Variants in SSH1 observed in about 807,000 individuals in gnomAD.
SSH1 encodes slingshot protein phosphatase 1.
A neutral mutation model predicts 79.7 loss-of-function variants in SSH1; 43 were observed. The observed-to-expected ratio is 0.54, with a 90% CI of 0.42 to 0.70. SSH1 has a LOEUF of 0.70. Ranked by LOEUF, SSH1 falls within the 30% of genes least tolerant of loss-of-function variation. The pLI is 0.00. For synonymous variants in SSH1, 599 were observed against 538.3 expected (o/e 1.11, Z -1.56); for missense variants, 1,206 against 1,358.8 (o/e 0.89, Z 1.77).
intron 2 of SSH1, chr12:108,826,057 T>G (rs1490596465): frequency 4.6e-6 from 2 of 434,668 alleles, no homozygotes; most frequent in East Asian, 1.4e-4. Context: ...CGAGACAACA[T>G]CAACTGCTTT....
At chr12:108,822,550 G>A (rs192573726) in intron 3 of SSH1, among the ~76,000 whole-genome samples, 4 of 152,172 alleles carry the variant, frequency 2.6e-5, no homozygotes, top group Non-Finnish European at 4.4e-5. Flanking sequence ...GGGCTCAAGC[G>A]ATCCTCCCAA....
rs2036242718 is a variant in SSH1, at chr12:108,785,353, C to G, written c.*2635G>C. 6.6e-6 allele frequency: 1 copy of G among 152,236 alleles called. No individual in the cohort carries two copies. The highest frequency in any genetic ancestry group is 2.4e-5 in the African/African-American group (1 of 41,442). The allele number at this position is 152,236 out of a possible 1,614,324, so 9.4% of individuals were successfully genotyped here. On this transcript the variant is annotated 3_prime_UTR_variant, in exon 15 of 15. Coordinates refer to ENST00000326495, the MANE Select transcript of SSH1 (RefSeq NM_018984.4). ...GCCAGGCTGGTCTAGAACTCCTGAC[C>G]TCAGATGATCCGCCTGCCTCGGCCT...
chr12:108,821,638 T>C (rs990703768), intron 3 of SSH1, among the ~76,000 whole-genome samples: 59 of 152,122 alleles, frequency 3.9e-4, no homozygotes, highest in African/African-American at 1.4e-3. Context: ...GCTTAGTAAG[T>C]TGGAGAACTA....
At chr12:108,826,303 T>A in intron 2 of SSH1, 1 of 372,042 alleles carries the variant, frequency 2.7e-6, no homozygotes, top group Middle Eastern at 5.5e-4. Flanking sequence ...CTGATAAGAA[T>A]CAGGGACTCC....
intron 5 of SSH1, among the ~76,000 whole-genome samples, chr12:108,813,378 G>A (rs1024003398): frequency 3.3e-5 from 5 of 152,002 alleles, no homozygotes; most frequent in African/African-American, 1.2e-4. Context: ...GTGGATGGTG[G>A]TGTACACTCA....
intron 2 of SSH1, chr12:108,827,649 G>A (rs755278999): frequency 3.9e-5 from 38 of 984,572 alleles, no homozygotes; most frequent in Non-Finnish European, 4.8e-5. Flanking sequence ...TCTGTAGGCC[G>A]GAGAAACAAG....
chr12:108,823,396 G>C, intron 2 of SSH1, 35 bp from the exon 3 acceptor site: 2 of 1,517,198 alleles, frequency 1.3e-6, no homozygotes, highest in Non-Finnish European at 1.8e-6. Context: ...AGTTAGACCG[G>C]AATTCAGACA....
rs1399606567 is a variant in SSH1 at position 108,824,591 on chromosome 12, G to GA, written c.111-1231dup. On this transcript the variant is annotated intron_variant, in intron 2 of 14. Coordinates refer to ENST00000326495, the MANE Select transcript of SSH1 (RefSeq NM_018984.4). ...GGCCCAATGAATTTCTCAGCAGAAT[G>GA]AATCTTTGGCCTTTGTTATTTTAGC... is the stretch of plus-strand genomic sequence containing the variant. 2.6e-5 allele frequency among the ~76,000 whole-genome samples: 4 copies of GA among 152,148 alleles called. No homozygotes were observed. The East Asian group carries it at 7.7e-4, about 29-fold the overall frequency.
Position 108,788,691 on chromosome 12 carries a change from A to G in SSH1, c.2447T>C (p.Leu816Pro). The change falls in exon 15 of 15, where the codon CTG becomes CCG. Residue 816 changes from leucine (L) to proline (P), a missense_variant. Transcript: ENST00000326495. ...LMQHQESIIQ[L>P]QKAGLVRKHT... ...CTTGCGGACCAAGCCTGCCTTCTGCAGCTGAATGATGGACTCCTGGTGCTG... is the reference window on the plus strand; with the variant it reads ...CTTGCGGACCAAGCCTGCCTTCTGCGGCTGAATGATGGACTCCTGGTGCTG... 1 of 1,614,210 alleles carries G rather than the reference A, an allele frequency of 6.2e-7. No homozygotes were observed. The highest frequency in any genetic ancestry group is 8.5e-7 in the Non-Finnish European group (1 of 1,180,040).
intron 2 of SSH1, chr12:108,833,802 T>C (rs1008192110): frequency 6.6e-6 from 1 of 152,246 alleles, no homozygotes; most frequent in Non-Finnish European, 1.5e-5. Flanking sequence ...TTCATTTTAG[T>C]TAATTTAAAT....
At chr12:108,841,546 G>A (rs547150282) in intron 2 of SSH1, among the ~76,000 whole-genome samples, 92 of 152,294 alleles carry the variant, frequency 6.0e-4, no homozygotes, top group Non-Finnish European at 1.0e-3. Flanking sequence ...AGTGGCTCAC[G>A]CCTGTAATCC....
At chr12:108,798,214 T>C (rs1285122337) in intron 13 of SSH1, among the ~76,000 whole-genome samples, 1 of 152,018 alleles carries the variant, frequency 6.6e-6, no homozygotes, top group Non-Finnish European at 1.5e-5. Context: ...CAAAAAGGGG[T>C]CAAGAAAATA....
At chr12:108,809,500 G>C (rs1287292006) in intron 7 of SSH1, among the ~76,000 whole-genome samples, 193 bp downstream of exon 7, 4 of 150,934 alleles carry the variant, frequency 2.7e-5, no homozygotes, top group Non-Finnish European at 2.9e-5. Flanking sequence ...CCAACATTGT[G>C]AATATACTTA....
At chr12:108,808,793 T>C (rs754405155) in intron 7 of SSH1, among the ~76,000 whole-genome samples, 43 of 151,596 alleles carry the variant, frequency 2.8e-4, no homozygotes, top group Non-Finnish European at 5.3e-4. Flanking sequence ...TAAGAATCTA[T>C]GTTTTATTTA....
intron 5 of SSH1, among the ~76,000 whole-genome samples, chr12:108,814,149 G>A (rs996152785): frequency 1.3e-5 from 2 of 152,000 alleles, no homozygotes; most frequent in East Asian, 2.0e-4. Context: ...GCTTGAACGC[G>A]GGAGGCAGAG....
intron 14 of SSH1, chr12:108,791,934 A>T (rs530851628): frequency 7.7e-7 from 1 of 1,306,502 alleles, no homozygotes; most frequent in Non-Finnish European, 9.8e-7. Context: ...TTGGCTGATA[A>T]ATTATATGTT....
At chr12:108,806,019 C>T (rs1467141888) in intron 9 of SSH1, among the ~76,000 whole-genome samples, 2 of 151,990 alleles carry the variant, frequency 1.3e-5, no homozygotes, top group African/African-American at 4.8e-5. Context: ...CTGTGGATCT[C>T]ATGGACTTCT....
chr12:108,804,960 G>T, intron 10 of SSH1, 96 bp downstream of exon 10: 1 of 1,519,968 alleles, frequency 6.6e-7, no homozygotes, highest in Admixed American at 1.9e-5. Flanking sequence ...CAAGTTTTTT[G>T]CCTGCTTTTT....
intron 10 of SSH1, 47 bp downstream of exon 10, chr12:108,805,003 AGGGTCT>A: frequency 6.2e-7 from 1 of 1,603,214 alleles, no homozygotes. Context: ...TTAAACAACC[AGGGTCT>A]GATTTATGTC....
Sources: gnomAD v4.1 joint callset for allele counts (sites outside exome capture counted in the v4.1 genomes callset) on GRCh38, gnomAD v4.1.1 for gene constraint, MANE v1.5 for transcripts, NCBI Gene and HGNC (gene_info 2026-07-23, HGNC 2026-07-21) for gene names.